Variants in PPP4C observed in about 807,000 individuals in gnomAD.
The protein encoded by PPP4C is protein phosphatase 4 catalytic subunit, also known as serine/threonine-protein phosphatase 4 catalytic subunit.
Under a neutral mutation model 40.5 loss-of-function variants are expected in PPP4C, and 10 were observed. That is an observed-to-expected ratio of 0.25 (90% confidence interval 0.15 to 0.42). PPP4C has a LOEUF of 0.42. PPP4C is among the 10% of genes least tolerant of loss of function. PPP4C has a pLI of 1.00. For missense variants in PPP4C, 191 were observed against 416.4 expected, an observed-to-expected ratio of 0.46 and a Z score of 4.71; for synonymous variants, 187 against 163.6, an observed-to-expected ratio of 1.14 and a Z score of -1.09.
At chr16:30,084,419 T>C (rs1340453438) in intron 7 of PPP4C, among the ~76,000 whole-genome samples, 1 of 152,228 alleles carries the variant, frequency 6.6e-6, no homozygotes, top group Non-Finnish European at 1.5e-5. Flanking sequence ...GGACGGGGAT[T>C]GTATGATCAC....
chr16:30,077,316 T>TAGC (rs1222795144), intron 2 of PPP4C, among the ~76,000 whole-genome samples: 1 of 152,216 alleles, frequency 6.6e-6, no homozygotes, highest in Non-Finnish European at 1.5e-5. Context: ...GAGATGAGGT[T>TAGC]AGCACAGTGT....
Position 30,083,485 on chromosome 16 carries a change from G to A in PPP4C, c.395G>A (p.Arg132His). The A allele has an allele frequency of 6.2e-7, 1 of 1,614,180 alleles. No individual in the cohort carries two copies. The highest frequency in any genetic ancestry group is 8.5e-7 in the Non-Finnish European group (1 of 1,180,030). Reference sequence around the variant, plus strand: ...TATGGCTTCTACGATGAGTGCCTGCGCAAGTACGGCTCGGTGACTGTGTGG... The same window carrying A: ...TATGGCTTCTACGATGAGTGCCTGCACAAGTACGGCTCGGTGACTGTGTGG... Reference protein sequence around the residue: ...QVYGFYDECLRKYGSVTVWRY... With the variant: ...QVYGFYDECLHKYGSVTVWRY... The change falls in exon 6 of 9, where the codon CGC becomes CAC. Residue 132 changes from arginine to histidine, a missense_variant. Physicochemically the swap from Arg to His is conservative, Grantham distance 29. Around this residue, in one of 3 missense-constraint regions of PPP4C, gnomAD observed 171 missense variants for 352.4 expected, o/e 0.49. Coordinates refer to ENST00000279387, the MANE Select transcript of PPP4C (RefSeq NM_002720.3). The surrounding 1 kb of genome is among the most constrained non-coding windows in gnomAD (Gnocchi z 6.3).
chr16:30,076,032 T>G lies in PPP4C; in HGVS notation c.-126T>G, dbSNP rs550678850. On this transcript the variant is annotated 5_prime_UTR_variant, in exon 1 of 9. Transcript: ENST00000279387. The stretch of plus-strand genomic sequence containing the variant: ...GCGGCGGCGGCGGCGGCGGCGGCGG[T>G]CGAAAGCGGAGTGAAAGAGGGAGGC... 1.1e-5 allele frequency: 4 copies of G among 364,256 alleles called. No individual in the cohort carries two copies. The highest frequency in any genetic ancestry group is 2.0e-5 in the Non-Finnish European group (4 of 200,418). The allele number at this position is 364,256 out of a possible 1,614,324, so 22.6% of individuals were successfully genotyped here. A position where few individuals can be genotyped will look rare whatever the true frequency, so the allele number is the denominator to read the frequency against.
Position 30,083,832 on chromosome 16 carries a change from AAGAG to A in PPP4C, c.604+54_604+57del. The stretch of plus-strand genomic sequence containing the variant: ...CAGGGACAGCCAGGAGGGGTTGGGA[AAGAG>A]AGGGAGCAGGGCTGGTCTTCACTGT... On this transcript the variant is annotated intron_variant, in intron 7 of 8. Coordinates refer to ENST00000279387, the MANE Select transcript of PPP4C (RefSeq NM_002720.3). The surrounding 1 kb of genome is among the most constrained non-coding windows in gnomAD (Gnocchi z 6.3). The A allele has an allele frequency of 5.0e-6, 8 of 1,606,286 alleles. No individual in the cohort carries two copies. The highest frequency in any genetic ancestry group is 6.8e-6 in the Non-Finnish European group (8 of 1,177,324).
chr16:30,082,751 T>A lies in PPP4C; in HGVS notation c.207T>A (p.Gly69=). The change falls in exon 5 of 9, where the codon GGT becomes GGA. Residue 69 remains glycine, a synonymous_variant. Coordinates refer to ENST00000279387, the MANE Select transcript of PPP4C (RefSeq NM_002720.3). ...AACTTTCTACTTCCCCACAGGTAGG[T>A]GGCGACGTCCCTGAGACCAACTACC... ...FYDLKELFRV[G]GDVPETNYLF... 6.2e-7 allele frequency: 1 copy of A among 1,613,766 alleles called. No individual in the cohort carries two copies.
At position 30,084,966 on chromosome 16, in the gene PPP4C, C is replaced by G. The variant is rs116615990; in HGVS notation, c.828C>G (p.Asp276Glu). 5.0e-6 allele frequency: 8 copies of G among 1,614,148 alleles called. No individual in the cohort carries two copies. The highest frequency in any genetic ancestry group is 6.8e-6 in the Non-Finnish European group (8 of 1,179,984). Residue 276 changes from aspartate to glutamate, a missense_variant, in exon 9 of 9, where the codon GAC becomes GAG. This residue lies in a region of PPP4C where 20 missense variants were observed against 41.0 expected (regional missense o/e 0.49). Transcript: ENST00000279387. ...CGNVAAILELDEHLQKDFIIF... is the reference protein window; with the variant it reads ...CGNVAAILELEEHLQKDFIIF... ...ATGTGGCAGCCATCTTGGAGCTGGA[C>G]GAGCATCTCCAGAAAGATTTCATCA...
chr16:30,077,125 T>C (rs2072417554), intron 2 of PPP4C, among the ~76,000 whole-genome samples: 1 of 152,206 alleles, frequency 6.6e-6, no homozygotes, highest in African/African-American at 2.4e-5. Context: ...TTCAGAGTTC[T>C]GTGGGAAGTA....
At position 30,076,298 on chromosome 16, in the gene PPP4C, G is replaced by A. The variant is rs1167289040; in HGVS notation, c.-63-17G>A. 2.8e-6 allele frequency: 4 copies of A among 1,450,188 alleles called. No homozygotes were observed. The African/African-American group carries it at 4.2e-5, about 15-fold the overall frequency. The allele number at this position is 1,450,188 out of a possible 1,614,324, so 89.8% of individuals were successfully genotyped here. A position where few individuals can be genotyped will look rare whatever the true frequency, so the allele number is the denominator to read the frequency against. ...CGGACGGACACTGATCCGCGGGCTC[G>A]TCTTGGCCTTTCCCAGGAGACCCCT... On this transcript the variant is annotated splice_polypyrimidine_tract_variant and intron_variant, in intron 1 of 8. Transcript: ENST00000279387.
intron 2 of PPP4C, among the ~76,000 whole-genome samples, chr16:30,077,943 G>A (rs2072433238): frequency 6.6e-6 from 1 of 152,180 alleles, no homozygotes. Flanking sequence ...TGATGAGCAG[G>A]GTCGGCCTCT....
At chr16:30,082,652 TG>T in intron 4 of PPP4C, 93 bp from the exon 5 acceptor site, 1 of 1,525,436 alleles carries the variant, frequency 6.6e-7, no homozygotes, top group South Asian at 1.2e-5. Context: ...CCAAGTTAGA[TG>T]GGTGGTTGTG....
chr16:30,083,839 G>A lies in PPP4C; in HGVS notation c.604+58G>A, dbSNP rs376790304. ...AGCCAGGAGGGGTTGGGAAAGAGAGGGAGCAGGGCTGGTCTTCACTGTCAC... is the reference window on the plus strand; with the variant it reads ...AGCCAGGAGGGGTTGGGAAAGAGAGAGAGCAGGGCTGGTCTTCACTGTCAC... On this transcript the variant is annotated intron_variant, in intron 7 of 8. Transcript: ENST00000279387. This position sits in a 1 kb window ranked among gnomAD's most constrained non-coding sequence, Gnocchi z 6.3. 19 of 1,600,274 alleles carry A rather than the reference G, an allele frequency of 1.2e-5. No homozygotes were observed. Among genetic ancestry groups the A allele is most frequent in the East Asian group, 6.7e-5 (3 of 44,694 alleles).
chr16:30,079,973 T>C (rs898986972), intron 2 of PPP4C, among the ~76,000 whole-genome samples: 3 of 152,082 alleles, frequency 2.0e-5, no homozygotes, highest in African/African-American at 7.2e-5. Flanking sequence ...TTAATAACAT[T>C]TGTGGCACAC....
rs140851150 is a variant in PPP4C at position 30,085,041 on chromosome 16, C to A, written c.903C>A (p.Pro301=). 43 of 1,614,042 alleles carry A rather than the reference C, an allele frequency of 2.7e-5. No homozygotes were observed. The highest frequency in any genetic ancestry group is 3.1e-5 in the Non-Finnish European group (36 of 1,180,026). Reference sequence around the variant, plus strand: ...CACGGGGCATCCCCTCCAAGAAGCCCGTGGCCGACTACTTCCTGTGACCCC... The same window carrying A: ...CACGGGGCATCCCCTCCAAGAAGCCAGTGGCCGACTACTTCCTGTGACCCC... ...QETRGIPSKK[P]VADYFL Residue 301 remains proline, a synonymous_variant, in exon 9 of 9, where the codon CCC becomes CCA. Transcript: ENST00000279387.
chr16:30,083,422 T>C lies in PPP4C; in HGVS notation c.332T>C (p.Ile111Thr). 1 of 1,613,892 alleles carries C rather than the reference T, an allele frequency of 6.2e-7. No individual in the cohort carries two copies. Among genetic ancestry groups the C allele is most frequent in the Non-Finnish European group, 8.5e-7 (1 of 1,179,990 alleles). ...KVRYPDRITLIRGNHESRQIT... is the reference protein window; with the variant it reads ...KVRYPDRITLTRGNHESRQIT... ...CGCTATCCTGATCGCATCACACTGATCCGGGGCAACCATGAGAGTCGCCAG... is the reference window on the plus strand; with the variant it reads ...CGCTATCCTGATCGCATCACACTGACCCGGGGCAACCATGAGAGTCGCCAG... Residue 111 changes from isoleucine (I) to threonine (T), a missense_variant, in exon 6 of 9, where the codon ATC (isoleucine) becomes ACC (threonine). Around this residue, in one of 3 missense-constraint regions of PPP4C, gnomAD observed 171 missense variants for 352.4 expected, o/e 0.49. Transcript: ENST00000279387. The surrounding 1 kb of genome is among the most constrained non-coding windows in gnomAD (Gnocchi z 6.3).
At chr16:30,077,206 C>T (rs144426733) in intron 2 of PPP4C, among the ~76,000 whole-genome samples, 16 of 152,076 alleles carry the variant, frequency 1.1e-4, no homozygotes, top group Non-Finnish European at 1.6e-4. Context: ...TGAACTCTGC[C>T]GCTTTCTAGC....
At chr16:30,082,457 T>C in intron 3 of PPP4C, 27 bp from the exon 4 acceptor site, 3 of 1,609,258 alleles carry the variant, frequency 1.9e-6, no homozygotes, top group Non-Finnish European at 2.6e-6. Flanking sequence ...CTGCTTGAGT[T>C]CCAACCCCAC....
intron 2 of PPP4C, 29 bp downstream of exon 2, chr16:30,076,504 G>A: frequency 6.3e-7 from 1 of 1,581,208 alleles, no homozygotes; most frequent in Non-Finnish European, 8.6e-7. Context: ...GGGAAGGGAG[G>A]CCAAGCCGCC....
chr16:30,076,244 T>C (rs1268757335), intron 1 of PPP4C, 71 bp from the exon 2 acceptor site: 12 of 896,150 alleles, frequency 1.3e-5, no homozygotes, highest in Non-Finnish European at 2.0e-5. Context: ...CCGGGCCGGC[T>C]CTAGAATCGA....
chr16:30,076,437 CAAG>C lies in PPP4C; in HGVS notation c.61_63del (p.Lys21del). On this transcript the variant is annotated inframe_deletion, in exon 2 of 9. Transcript: ENST00000279387. Reference sequence around the variant, plus strand: ...AGCAGCTGCGTCGCTGCGAGCTCATCAAGGAGAGCGAAGTCAAGGCCCTGTGCG... The same window carrying C: ...AGCAGCTGCGTCGCTGCGAGCTCATCGAGAGCGAAGTCAAGGCCCTGTGCG... 6.2e-7 allele frequency: 1 copy of C among 1,613,412 alleles called. No homozygotes were observed. Among genetic ancestry groups the C allele is most frequent in the Non-Finnish European group, 8.5e-7 (1 of 1,179,830 alleles).
Sources: allele counts gnomAD v4.1 joint callset (sites outside exome capture counted in the v4.1 genomes callset), GRCh38; gene constraint gnomAD v4.1.1; regional missense constraint gnomAD v4.1.1; non-coding constraint Gnocchi (gnomAD v3.1); transcripts MANE v1.5; gene names NCBI Gene and HGNC (gene_info 2026-07-23, HGNC 2026-07-21).